Variants in ABCC8 observed in about 807,000 individuals in gnomAD.
ABCC8 encodes the protein ATP binding cassette subfamily C member 8.
Under a neutral mutation model 188.0 loss-of-function variants are expected in ABCC8, and 137 were observed. That is an observed-to-expected ratio of 0.73 (90% CI 0.63 to 0.84). The LOEUF is 0.84. ABCC8 is among the 40% of genes least tolerant of loss of function. ABCC8 has a pLI of 0.00. For missense variants in ABCC8, 1,750 were observed against 2,072.7 expected, an observed-to-expected ratio of 0.84 and a Z score of 3.02; for synonymous variants, 797 against 846.5, an observed-to-expected ratio of 0.94 and a Z score of 1.01.
At chr11:17,450,847 C>T (rs1282589407) in intron 7 of ABCC8, among the ~76,000 whole-genome samples, 2 of 151,290 alleles carry the variant, frequency 1.3e-5, no homozygotes, top group Non-Finnish European at 2.9e-5. Flanking sequence ...CGCCAACATG[C>T]CTGGCTAATT....
chr11:17,406,822 G>A, intron 25 of ABCC8, 34 bp from the exon 26 acceptor site: 1 of 1,614,168 alleles, frequency 6.2e-7, no homozygotes, highest in Non-Finnish European at 8.5e-7. Context: ...GAGTTCCAGG[G>A]TGCCCATGGG....
At position 17,469,183 on chromosome 11, in the gene ABCC8, C is replaced by T. The variant is rs1024519541; in HGVS notation, c.412+918G>A. On this transcript the variant is annotated intron_variant, in intron 3 of 38. Coordinates refer to ENST00000389817, the MANE Select transcript of ABCC8 (RefSeq NM_000352.6). ...CTCAGCTCACTACAATCTCCACCTC[C>T]TGGGTTCAAGAGATTTGACTGCCTC... 5.9e-5 allele frequency among the ~76,000 whole-genome samples: 9 copies of T among 152,068 alleles called. No individual in the cohort carries two copies. The East Asian group carries it at 1.7e-3, about 29-fold the overall frequency.
At chr11:17,443,053 G>C (rs1249008406) in intron 9 of ABCC8, 125 bp downstream of exon 9, 2 of 1,493,612 alleles carry the variant, frequency 1.3e-6, no homozygotes, top group African/African-American at 1.4e-5. Flanking sequence ...GGCCTGGACA[G>C]GTGAAGTGGC....
rs73423060 is a variant in ABCC8, at chr11:17,427,415, C to T, written c.2117-261G>A. ...AAGCACTCGCTTCTCCTTTCCCATG[C>T]TCCTAGTATGAGCCCAGGCTCCTTG... is the stretch of plus-strand genomic sequence containing the variant. On this transcript the variant is annotated intron_variant, in intron 15 of 38. Coordinates refer to ENST00000389817, the MANE Select transcript of ABCC8 (RefSeq NM_000352.6). This position sits in a 1 kb window ranked among gnomAD's most constrained non-coding sequence, Gnocchi z 5.0. Among the ~76,000 whole-genome samples, 4,754 of 152,204 alleles carry T rather than the reference C, an allele frequency of 0.031. 254 individuals carry two copies. The highest frequency in any genetic ancestry group is 0.11 in the African/African-American group (4,468 of 41,498).
intron 3 of ABCC8, among the ~76,000 whole-genome samples, chr11:17,465,752 C>T (rs1848107397): frequency 6.6e-6 from 1 of 152,156 alleles, no homozygotes. Flanking sequence ...TCTCTCCATC[C>T]CTGTGGTACC....
chr11:17,449,595 T>C (rs1956680104), intron 7 of ABCC8, among the ~76,000 whole-genome samples: 2 of 152,200 alleles, frequency 1.3e-5, no homozygotes, highest in South Asian at 4.1e-4. Flanking sequence ...AGAGTGATCA[T>C]GACTCGCAGA....
chr11:17,400,731 G>A lies in ABCC8; in HGVS notation c.3650+1930C>T, dbSNP rs147566450. On this transcript the variant is annotated intron_variant, in intron 29 of 38. Transcript: ENST00000389817. ...CTCAGCGCCAGCCCCCGCAGTCTGT[G>A]TGACCTTGGATTGATTACCCAGCCT... Among the ~76,000 whole-genome samples, 311 of 152,332 alleles carry A rather than the reference G, an allele frequency of 2.0e-3. 3 individuals carry two copies. Among genetic ancestry groups the A allele is most frequent in the African/African-American group, 7.0e-3 (290 of 41,566 alleles).
chr11:17,432,391 T>C, intron 10 of ABCC8, 147 bp from the exon 11 acceptor site: 1 of 1,478,032 alleles, frequency 6.8e-7, no homozygotes, highest in Non-Finnish European at 9.1e-7. Flanking sequence ...ACTCTAGCCC[T>C]GTGGCACTTC....
Position 17,412,667 on chromosome 11 carries a change from A to G in ABCC8, c.2555T>C (p.Leu852Ser). ...ALYQHANVVF[L>S]DDPFSALDIH... is the part of the protein sequence containing the mutation. ...GACCCCAAGGGAACTTGCACTCACC[A>G]AGAAGACAACGTTGGCGTGCTGGTA... The change falls in exon 21 of 39, where the codon TTG (leucine) becomes TCG (serine). Residue 852 changes from leucine to serine, a missense_variant and splice_region_variant. Transcript: ENST00000389817. The G allele has an allele frequency of 6.2e-7, 1 of 1,611,186 alleles. No homozygotes were observed. The highest frequency in any genetic ancestry group is 1.1e-5 in the South Asian group (1 of 90,260).
intron 12 of ABCC8, chr11:17,429,041 C>A: frequency 3.3e-6 from 1 of 303,232 alleles, no homozygotes; most frequent in Non-Finnish European, 6.3e-6. Flanking sequence ...ATTTTGTGAG[C>A]ATACACTAAA....
rs377742560 is a variant in ABCC8, at chr11:17,413,470, A to G, written c.2399T>C (p.Met800Thr). 3.1e-6 allele frequency: 5 copies of G among 1,613,844 alleles called. No individual in the cohort carries two copies. The highest frequency in any genetic ancestry group is 4.2e-6 in the Non-Finnish European group (5 of 1,180,030). The change falls in exon 20 of 39, where the codon ATG (methionine) becomes ACG (threonine). Residue 800 changes from methionine to threonine, a missense_variant. Coordinates refer to ENST00000389817, the MANE Select transcript of ABCC8 (RefSeq NM_000352.6). Reference protein sequence around the residue: ...ESPFNKQRYKMVIEACSLQPD... With the variant: ...ESPFNKQRYKTVIEACSLQPD... ...CTGCAGAGAGCAGGCTTCAATGACC[A>G]TCTTGTACCTGGCGTGGGTAGAGGC...
chr11:17,404,487 C>T lies in ABCC8; in HGVS notation c.3557+25G>A, dbSNP rs776363468. 1 of 1,604,390 alleles carries T rather than the reference C, an allele frequency of 6.2e-7. No homozygotes were observed. The highest frequency in any genetic ancestry group is 8.5e-7 in the Non-Finnish European group (1 of 1,171,234). On this transcript the variant is annotated intron_variant, in intron 28 of 38. Transcript: ENST00000389817. This position sits in a 1 kb window ranked among gnomAD's most constrained non-coding sequence, Gnocchi z 4.7. ...AAACTGCACATTGCAAAGCACCTCC[C>T]ACCCCTCACCCCTGAGGCCATCACC...
rs1412234384 is a variant in ABCC8 at position 17,461,658 on chromosome 11, G to A, written c.747C>T (p.Ala249=). ...TCATGGCGATGGGCAGCTTCCCGAT[G>A]GCTCGCAAGTCGATGGGCTTCTTGT... The part of the protein sequence containing the change: ...TAHKKPIDLR[A]IGKLPIAMRA... Residue 249 remains alanine (A), a synonymous_variant, in exon 5 of 39, where the codon GCC becomes GCT. Coordinates refer to ENST00000389817, the MANE Select transcript of ABCC8 (RefSeq NM_000352.6). 1.2e-6 allele frequency: 2 copies of A among 1,614,248 alleles called. No homozygotes were observed. Among genetic ancestry groups the A allele is most frequent in the Non-Finnish European group, 1.7e-6 (2 of 1,180,042 alleles).
At chr11:17,474,445 G>A (rs910211771) in intron 2 of ABCC8, among the ~76,000 whole-genome samples, 1 of 152,176 alleles carries the variant, frequency 6.6e-6, no homozygotes, top group Non-Finnish European at 1.5e-5. Flanking sequence ...GGGGCTGACT[G>A]TGAAGACCTT....
Position 17,448,345 on chromosome 11 carries a change from G to T in ABCC8, c.1332+171C>A, listed in dbSNP as rs1458985473. 4.5e-6 allele frequency: 3 copies of T among 673,186 alleles called. No individual in the cohort carries two copies. In the Admixed American group the frequency reaches 6.4e-5, roughly 14 times the overall value. 41.7% of individuals were successfully genotyped at this position (673,186 alleles called of 1,614,324 possible). On this transcript the variant is annotated intron_variant, in intron 8 of 38. Transcript: ENST00000389817. ...AAGAGAGATGGTCAGTGCTTGCAGA[G>T]TATGGGACAGGAGGGACCCAGAGGT...
intron 16 of ABCC8, among the ~76,000 whole-genome samples, chr11:17,426,550 CA>C (rs1407076236): frequency 6.6e-6 from 1 of 152,184 alleles, no homozygotes; most frequent in Non-Finnish European, 1.5e-5. Context: ...CAGAAACCAA[CA>C]TTTATTGGTT....
intron 6 of ABCC8, among the ~76,000 whole-genome samples, chr11:17,457,608 G>C (rs1462109219): frequency 6.6e-6 from 1 of 152,210 alleles, no homozygotes; most frequent in Admixed American, 6.5e-5. Context: ...GGTTGGGTTG[G>C]AGAGGAGGCT....
chr11:17,441,719 A>T (rs1387788597), intron 10 of ABCC8, among the ~76,000 whole-genome samples: 1 of 152,178 alleles, frequency 6.6e-6, no homozygotes, highest in Non-Finnish European at 1.5e-5. Flanking sequence ...TGACCTCCGT[A>T]AGCCCTCACT....
In ABCC8 at chr11:17,476,621, G is replaced by T; in HGVS notation, c.148+8C>A. ...TCCCCTCCTCCGCGGCTCGCTGCGC[G>T]CACTCACCAATGAAGAGGATGGGGA... On this transcript the variant is annotated splice_region_variant and intron_variant, in intron 1 of 38. Coordinates refer to ENST00000389817, the MANE Select transcript of ABCC8 (RefSeq NM_000352.6). 1 of 1,610,282 alleles carries T rather than the reference G, an allele frequency of 6.2e-7. No homozygotes were observed. The highest frequency in any genetic ancestry group is 8.5e-7 in the Non-Finnish European group (1 of 1,178,522).
Sources: gnomAD v4.1 joint callset for allele counts (sites outside exome capture counted in the v4.1 genomes callset) on GRCh38, gnomAD v4.1.1 for gene constraint, Gnocchi (gnomAD v3.1) non-coding constraint, MANE v1.5 for transcripts, NCBI Gene and HGNC (gene_info 2026-07-23, HGNC 2026-07-21) for gene names.